The following GRID1 variants were observed in gnomAD, a reference collection of about 807,000 sequenced individuals.
The protein encoded by GRID1 is glutamate ionotropic receptor delta type subunit 1.
In GRID1, 28 loss-of-function variants were observed where a neutral mutation model predicts 98.0. That is an observed-to-expected ratio of 0.29 (90% CI 0.21 to 0.39). The LOEUF is 0.39. Ranked by LOEUF, GRID1 falls within the 10% of genes least tolerant of loss-of-function variation. The pLI is 1.00. For synonymous variants in GRID1, 553 were observed against 538.5 expected, an observed-to-expected ratio of 1.03 and a Z score of -0.37; for missense variants, 1,111 against 1,340.5, an observed-to-expected ratio of 0.83 and a Z score of 2.67.
At chr10:85,698,823 G>A (rs781390525) in intron 12 of GRID1, among the ~76,000 whole-genome samples, 37 of 152,288 alleles carry the variant, frequency 2.4e-4, no homozygotes, top group Non-Finnish European at 3.5e-4. Flanking sequence ...TGCTATTGGC[G>A]TCTTGGATTG....
intron 4 of GRID1, among the ~76,000 whole-genome samples, chr10:86,060,152 T>C (rs141333392): frequency 2.6e-5 from 4 of 152,318 alleles, no homozygotes; most frequent in Admixed American, 6.5e-5. Flanking sequence ...TTAAATACTA[T>C]TTTACATGGC....
intron 8 of GRID1, among the ~76,000 whole-genome samples, chr10:85,834,686 G>A (rs919785545): frequency 2.0e-5 from 3 of 152,134 alleles, no homozygotes; most frequent in Non-Finnish European, 4.4e-5. Context: ...TTCACTCAAA[G>A]TGGCAAAATG....
At chr10:85,605,699 A>G (rs566828760) in intron 15 of GRID1, 4 of 152,284 alleles carry the variant, frequency 2.6e-5, no homozygotes, top group East Asian at 3.9e-4. Flanking sequence ...TTCTCAGTCA[A>G]TTGAGCACTA....
At chr10:86,100,421 C>CAAAT (rs1844280840) in intron 4 of GRID1, among the ~76,000 whole-genome samples, 1 of 150,184 alleles carries the variant, frequency 6.7e-6, no homozygotes, top group Non-Finnish European at 1.5e-5. Flanking sequence ...AAAAAAAAAA[C>CAAAT]AAATAAATGT....
intron 12 of GRID1, among the ~76,000 whole-genome samples, chr10:85,667,182 T>C (rs149561028): frequency 6.6e-6 from 1 of 152,248 alleles, no homozygotes; most frequent in East Asian, 1.9e-4. Flanking sequence ...TGCACCCACA[T>C]CTAGCACATG....
intron 12 of GRID1, among the ~76,000 whole-genome samples, chr10:85,701,989 A>G (rs1318723365): frequency 6.6e-6 from 1 of 152,190 alleles, no homozygotes; most frequent in Non-Finnish European, 1.5e-5. Flanking sequence ...GATATTTCCA[A>G]ATTAGAAAAC....
At chr10:86,169,296 G>C (rs986640821) in intron 3 of GRID1, among the ~76,000 whole-genome samples, 2 of 152,226 alleles carry the variant, frequency 1.3e-5, no homozygotes, top group Non-Finnish European at 2.9e-5. Context: ...AAGCCACGCT[G>C]TAGCCCCAGG....
chr10:86,350,093 T>C lies in GRID1; in HGVS notation c.235+13848A>G. Among the ~76,000 whole-genome samples the C allele has an allele frequency of 1.3e-5, 2 of 152,164 alleles. 1 individual carries two copies. Among genetic ancestry groups the C allele is most frequent in the East Asian group, 3.9e-4 (2 of 5,188 alleles). On this transcript the variant is annotated intron_variant, in intron 2 of 15. Coordinates refer to ENST00000327946, the MANE Select transcript of GRID1 (RefSeq NM_017551.3). ...AGCCTTCCAGATAGTAGGAACAGCATGTGCAAAGGCCCCAGGGTAGATGCA... is the reference window on the plus strand; with the variant it reads ...AGCCTTCCAGATAGTAGGAACAGCACGTGCAAAGGCCCCAGGGTAGATGCA...
chr10:86,150,112 C>T (rs569105001), intron 3 of GRID1, among the ~76,000 whole-genome samples: 1 of 152,336 alleles, frequency 6.6e-6, no homozygotes, highest in East Asian at 1.9e-4. Flanking sequence ...CAGAGTCCTG[C>T]TGCTTTGATG....
At chr10:85,801,373 T>G (rs867570670) in intron 8 of GRID1, among the ~76,000 whole-genome samples, 5 of 151,898 alleles carry the variant, frequency 3.3e-5, no homozygotes, top group South Asian at 2.1e-4. Context: ...AAATCCACTA[T>G]AATTTTGATC....
intron 4 of GRID1, among the ~76,000 whole-genome samples, chr10:86,014,667 C>T (rs1391186090): frequency 1.3e-5 from 2 of 152,206 alleles, no homozygotes; most frequent in African/African-American, 4.8e-5. Context: ...CATCCAGAAG[C>T]GCACTGCCAT....
At chr10:86,104,543 G>A (rs918528877) in intron 4 of GRID1, among the ~76,000 whole-genome samples, 1 of 152,358 alleles carries the variant, frequency 6.6e-6, no homozygotes, top group South Asian at 2.1e-4. Flanking sequence ...CTAGCTGGCA[G>A]CAGACAGGCA....
rs557235680 is a variant in GRID1 at position 85,694,782 on chromosome 10, T to C, written c.1997+28221A>G. ...GTACACATGGACAAAGAGAGTGAAA[T>C]AATAGACACTAGAGAGAGACTTGGA... is the stretch of plus-strand genomic sequence containing the variant. On this transcript the variant is annotated intron_variant, in intron 12 of 15. Coordinates refer to ENST00000327946, the MANE Select transcript of GRID1 (RefSeq NM_017551.3). 3.3e-5 allele frequency among the ~76,000 whole-genome samples: 4 copies of C among 123,020 alleles called. No homozygotes were observed. In the East Asian group the frequency reaches 1.1e-3, roughly 32 times the overall value. The allele number at this position is 123,020 out of a possible 152,430, so 80.7% of individuals were successfully genotyped here. A position where few individuals can be genotyped will look rare whatever the true frequency, so the allele number is the denominator to read the frequency against.
intron 4 of GRID1, among the ~76,000 whole-genome samples, chr10:85,928,044 A>G (rs1398587222): frequency 6.6e-6 from 1 of 152,120 alleles, no homozygotes; most frequent in East Asian, 1.9e-4. Context: ...AGAAAAAGGA[A>G]CCTGATGTGA....
intron 2 of GRID1, among the ~76,000 whole-genome samples, chr10:86,301,272 G>C (rs921150451): frequency 1.3e-5 from 2 of 151,502 alleles, no homozygotes; most frequent in African/African-American, 4.8e-5. Context: ...AGAGTGGCTT[G>C]TCGATTTTCT....
chr10:86,292,292 C>T (rs1847526230), intron 2 of GRID1, among the ~76,000 whole-genome samples: 1 of 152,254 alleles, frequency 6.6e-6, no homozygotes, highest in Non-Finnish European at 1.5e-5. Context: ...GCAGGAAGCT[C>T]TTCTTTGCTC....
chr10:85,769,312 T>A lies in GRID1; in HGVS notation c.1234-39698A>T, dbSNP rs556481285. Among the ~76,000 whole-genome samples, 10 of 152,220 alleles carry A rather than the reference T, an allele frequency of 6.6e-5. No individual in the cohort carries two copies. In the South Asian group the frequency reaches 2.1e-3, roughly 32 times the overall value. On this transcript the variant is annotated intron_variant, in intron 8 of 15. Transcript: ENST00000327946. ...TCATAAGTGGGAGATAAATGTGGGG[T>A]ACACATGAATATAAAGATGGCAGGA...
intron 8 of GRID1, among the ~76,000 whole-genome samples, chr10:85,829,554 A>G (rs938664194): frequency 4.6e-5 from 7 of 152,190 alleles, no homozygotes; most frequent in African/African-American, 1.7e-4. Flanking sequence ...AGAAAACCCC[A>G]TAGTCTCTCC....
At chr10:85,621,851 A>G (rs879790134) in intron 13 of GRID1, among the ~76,000 whole-genome samples, 1 of 152,090 alleles carries the variant, frequency 6.6e-6, no homozygotes, top group Non-Finnish European at 1.5e-5. Context: ...TTAGTAACCA[A>G]GTTTCTCAGC....
Sources: allele counts gnomAD v4.1 joint callset (sites outside exome capture counted in the v4.1 genomes callset), GRCh38; gene constraint gnomAD v4.1.1; transcripts MANE v1.5; gene names NCBI Gene and HGNC (gene_info 2026-07-23, HGNC 2026-07-21).